PTGR3: variants seen among roughly 807,000 people sequenced by gnomAD.
PTGR3 encodes zinc binding alcohol dehydrogenase domain containing 2.
At chr18:75,201,077 A>G in the PTGR3 span, 1 of 221,294 alleles carries the variant, frequency 4.5e-6, no homozygotes, top group Non-Finnish European at 8.9e-6. Flanking sequence ...TTAAAATCTG[A>G]TCAAGCTGAA....
At chr18:75,195,362 A>C in the PTGR3 span, 4 of 152,246 alleles carry the variant, frequency 2.6e-5, no homozygotes, top group Non-Finnish European at 5.9e-5. Flanking sequence ...AAAAAGATTC[A>C]TAACAAAGGC....
the PTGR3 span, among the ~76,000 whole-genome samples, chr18:75,204,288 G>A: frequency 3.9e-5 from 6 of 152,344 alleles, no homozygotes; most frequent in East Asian, 7.7e-4. Context: ...GTGGTTTGCC[G>A]CTTCCTGGGA....
the PTGR3 span, among the ~76,000 whole-genome samples, chr18:75,207,739 GA>G: frequency 6.6e-6 from 1 of 151,918 alleles, no homozygotes; most frequent in Non-Finnish European, 1.5e-5. Flanking sequence ...TAGGAATCTC[GA>G]AAATGGACAA....
chr18:75,208,637 A>C, the PTGR3 span, among the ~76,000 whole-genome samples: 1 of 152,178 alleles, frequency 6.6e-6, no homozygotes, highest in African/African-American at 2.4e-5. Context: ...GTTCGGTGGC[A>C]TCGGATATTC....
At chr18:75,208,572 G>C in the PTGR3 span, 1 of 1,055,416 alleles carries the variant, frequency 9.5e-7, no homozygotes, top group East Asian at 4.6e-5. Flanking sequence ...GGAGGAGGGA[G>C]GGCTGGAGGA....
At chr18:75,208,930 G>A in the PTGR3 span, 1 of 1,585,990 alleles carries the variant, frequency 6.3e-7, no homozygotes, top group Non-Finnish European at 8.6e-7. Flanking sequence ...CGCGGAAGTT[G>A]GGGCTCAGCC....
At chr18:75,196,004 C>G in the PTGR3 span, 2 of 152,172 alleles carry the variant, frequency 1.3e-5, no homozygotes, top group African/African-American at 4.8e-5. Context: ...TGCTGGCAAC[C>G]ATGGACCTCC....
chr18:75,201,237 T>C, the PTGR3 span: 1 of 588,614 alleles, frequency 1.7e-6, no homozygotes, highest in Non-Finnish European at 2.9e-6. Context: ...CACATTTTTT[T>C]TTTTCCCCCA....
At chr18:75,196,657 A>AAAG in the PTGR3 span, 6 of 128,072 alleles carry the variant, frequency 4.7e-5, no homozygotes, top group African/African-American at 1.2e-4. Flanking sequence ...AAAAAAAAAA[A>AAAG]GTCTGTACTT....
At chr18:75,205,811 G>A in the PTGR3 span, among the ~76,000 whole-genome samples, 1 of 151,508 alleles carries the variant, frequency 6.6e-6, no homozygotes, top group African/African-American at 2.4e-5. Context: ...AAGCGGGGGG[G>A]AGGGGGTGGG....
chr18:75,209,015 A>C, the PTGR3 span: 11 of 1,581,708 alleles, frequency 7.0e-6, no homozygotes, highest in Non-Finnish European at 8.6e-6. This position sits in a 1 kb window ranked among gnomAD's most constrained non-coding sequence, Gnocchi z 4.7. Flanking sequence ...GGCGTACGAC[A>C]TGTCCACGAT....
chr18:75,205,315 A>G, the PTGR3 span: 1 of 985,504 alleles, frequency 1.0e-6, no homozygotes, highest in East Asian at 1.1e-4. Flanking sequence ...AGGGAGCCAC[A>G]GAAAGACAAG....
the PTGR3 span, chr18:75,205,485 A>C: frequency 1.7e-5 from 17 of 985,558 alleles, no homozygotes; most frequent in Non-Finnish European, 2.0e-5. Flanking sequence ...GGAAAAAAGA[A>C]TAGGACCGGC....
At chr18:75,200,221 G>A in the PTGR3 span, 1 of 152,232 alleles carries the variant, frequency 6.6e-6, no homozygotes, top group Admixed American at 6.5e-5. Context: ...TAAAGGTTAA[G>A]AGGGAAGCCG....
At chr18:75,203,988 G>A in the PTGR3 span, among the ~76,000 whole-genome samples, 912 of 152,290 alleles carry the variant, frequency 6.0e-3, 8 homozygotes, top group African/African-American at 0.021. Flanking sequence ...TGACGGTAGG[G>A]TTTGCTCTGG....
chr18:75,205,198 C>A, the PTGR3 span: 4 of 985,530 alleles, frequency 4.1e-6, no homozygotes, highest in Non-Finnish European at 4.8e-6. Flanking sequence ...CTTACCTCTG[C>A]GTGAGGGTCC....
chr18:75,208,883 A>T, the PTGR3 span: 1 of 1,545,372 alleles, frequency 6.5e-7, no homozygotes, highest in East Asian at 2.6e-5. Flanking sequence ...GTCCCCGGGG[A>T]GCGGCACCGG....
At chr18:75,203,575 G>A in the PTGR3 span, among the ~76,000 whole-genome samples, 1 of 152,144 alleles carries the variant, frequency 6.6e-6, no homozygotes, top group African/African-American at 2.4e-5. Flanking sequence ...TAAGAACGCA[G>A]GGAGCAACTG....
chr18:75,204,159 G>C, the PTGR3 span, among the ~76,000 whole-genome samples: 1 of 152,236 alleles, frequency 6.6e-6, no homozygotes, highest in Non-Finnish European at 1.5e-5. Context: ...ACCCCGCCTT[G>C]GGGGGACACC....
Sources: allele counts gnomAD v4.1 joint callset (sites outside exome capture counted in the v4.1 genomes callset), GRCh38; gene constraint gnomAD v4.1.1; non-coding constraint Gnocchi (gnomAD v3.1); transcripts MANE v1.5; gene names NCBI Gene and HGNC (gene_info 2026-07-23, HGNC 2026-07-21).